Variants in LRBA observed in about 807,000 individuals in gnomAD.
The protein encoded by LRBA is lipopolysaccharide-responsive and beige-like anchor protein.
A neutral mutation model predicts 330.0 loss-of-function variants in LRBA; 176 were observed. The observed-to-expected ratio is 0.53, with a 90% CI of 0.47 to 0.60. The LOEUF (loss-of-function observed/expected upper bound fraction) is 0.60. Among genes scored for constraint, LRBA ranks in the 20% least tolerant of loss-of-function variants. LRBA has a pLI of 0.00. For missense variants in LRBA, 3,259 were observed against 3,444.8 expected (o/e 0.95, Z 1.35); for synonymous variants, 1,230 against 1,193.0 (o/e 1.03, Z -0.64).
intron 47 of LRBA, among the ~76,000 whole-genome samples, chr4:150,360,675 C>T (rs1738561954): frequency 6.6e-6 from 1 of 152,158 alleles, no homozygotes; most frequent in South Asian, 2.1e-4. Flanking sequence ...TTACAAAGTA[C>T]GAAGTAACTG....
chr4:150,419,011 G>A (rs146926668), intron 46 of LRBA, among the ~76,000 whole-genome samples: 1 of 152,200 alleles, frequency 6.6e-6, no homozygotes, highest in East Asian at 1.9e-4. Context: ...AAGAGGTTAG[G>A]CAGGAACCCA....
intron 2 of LRBA, among the ~76,000 whole-genome samples, chr4:150,967,849 G>A (rs1035334490): frequency 6.6e-6 from 1 of 152,056 alleles, no homozygotes; most frequent in Non-Finnish European, 1.5e-5. Context: ...AATAAATGTG[G>A]TATGTGTTCT....
intron 40 of LRBA, among the ~76,000 whole-genome samples, chr4:150,510,707 T>C (rs767738677): frequency 1.3e-5 from 2 of 152,216 alleles, no homozygotes; most frequent in Non-Finnish European, 2.9e-5. Flanking sequence ...TCACTGCTTC[T>C]ATTGTTGCCA....
intron 2 of LRBA, among the ~76,000 whole-genome samples, chr4:150,976,175 G>GAAAAAAAAAAAAAAAAAAAAAA (rs56914557): frequency 2.3e-5 from 2 of 88,734 alleles, no homozygotes; most frequent in African/African-American, 4.0e-5. Context: ...ACTCCGTCTT[G>GAAAAAAAAAAAAAAAAAAAAAA]AAAAAAAAAA....
intron 49 of LRBA, among the ~76,000 whole-genome samples, chr4:150,323,025 G>GT (rs373782725): frequency 7.0e-6 from 1 of 142,544 alleles, no homozygotes; most frequent in South Asian, 2.2e-4. Context: ...GTGTGTGTGT[G>GT]GGGATGCATT....
chr4:150,860,877 A>C (rs1464268929), intron 22 of LRBA, among the ~76,000 whole-genome samples: 1 of 152,174 alleles, frequency 6.6e-6, no homozygotes, highest in Non-Finnish European at 1.5e-5. Flanking sequence ...TTAATCATGA[A>C]GATATGTTCT....
chr4:150,663,383 A>C (rs779420504), intron 37 of LRBA, among the ~76,000 whole-genome samples: 5 of 152,154 alleles, frequency 3.3e-5, no homozygotes, highest in Admixed American at 2.6e-4. Flanking sequence ...TTGATGACAG[A>C]AGGTGCACAA....
chr4:150,681,421 C>T (rs1005485036), intron 37 of LRBA, among the ~76,000 whole-genome samples: 2 of 152,170 alleles, frequency 1.3e-5, no homozygotes, highest in Middle Eastern at 3.2e-3. Context: ...TTAAGATCCA[C>T]ACTTCACATT....
intron 42 of LRBA, among the ~76,000 whole-genome samples, chr4:150,474,909 G>A (rs1278861551): frequency 6.6e-6 from 1 of 152,126 alleles, no homozygotes; most frequent in African/African-American, 2.4e-5. Context: ...TAAGTATGAT[G>A]TACGTATTGG....
intron 37 of LRBA, among the ~76,000 whole-genome samples, chr4:150,634,635 T>C (rs1289727133): frequency 6.6e-6 from 1 of 152,232 alleles, no homozygotes; most frequent in East Asian, 1.9e-4. Flanking sequence ...CCTGTTCATA[T>C]ATTTCTTCTT....
chr4:150,497,309 C>A (rs966627815), intron 40 of LRBA, among the ~76,000 whole-genome samples: 1 of 152,080 alleles, frequency 6.6e-6, no homozygotes, highest in African/African-American at 2.4e-5. Flanking sequence ...TTTTAAAATT[C>A]AAGGATATAT....
chr4:150,488,905 A>G (rs1758221981), intron 41 of LRBA, among the ~76,000 whole-genome samples: 1 of 142,384 alleles, frequency 7.0e-6, no homozygotes, highest in Admixed American at 7.5e-5. Context: ...ACACATAAGA[A>G]TATATACACA....
At chr4:150,428,847 T>A (rs1749987798) in intron 46 of LRBA, among the ~76,000 whole-genome samples, 2 of 152,274 alleles carry the variant, frequency 1.3e-5, no homozygotes, top group African/African-American at 4.8e-5. Context: ...ACCCGAAACA[T>A]AAGACCAATT....
At chr4:150,523,191 T>C (rs183368732) in intron 40 of LRBA, among the ~76,000 whole-genome samples, 20 of 152,328 alleles carry the variant, frequency 1.3e-4, no homozygotes, top group Non-Finnish European at 1.2e-4. Flanking sequence ...GCATGTGAGG[T>C]TGACATGTAT....
chr4:150,554,967 C>A (rs1439712209), intron 40 of LRBA, among the ~76,000 whole-genome samples: 1 of 151,940 alleles, frequency 6.6e-6, no homozygotes, highest in Non-Finnish European at 1.5e-5. Flanking sequence ...CCTAGAGATA[C>A]AGAAATCAAC....
chr4:150,798,188 TGAGG>T, intron 33 of LRBA, 46 bp from the exon 34 acceptor site: 4 of 1,227,588 alleles, frequency 3.3e-6, no homozygotes, highest in South Asian at 1.2e-5. Context: ...AGAAAACAAA[TGAGG>T]ATTTGTTACA....
intron 40 of LRBA, among the ~76,000 whole-genome samples, chr4:150,553,782 G>T (rs1259288700): frequency 6.6e-6 from 1 of 152,164 alleles, no homozygotes; most frequent in African/African-American, 2.4e-5. Context: ...GAGTTTGTTT[G>T]GGAATGACAA....
rs139319403 is a variant in LRBA, at chr4:150,679,154, T to A, written c.5921+4397A>T. 2.9e-3 allele frequency among the ~76,000 whole-genome samples: 440 copies of A among 152,328 alleles called. 9 individuals carry two copies. The highest frequency in any genetic ancestry group is 0.018 in the East Asian group (91 of 5,184). Reference sequence around the variant, plus strand: ...TTTTCAAAACAATCTTTCCTTAGGCTTAAAAGGAGAACCTGATTTAAAATC... The same window carrying A: ...TTTTCAAAACAATCTTTCCTTAGGCATAAAAGGAGAACCTGATTTAAAATC... On this transcript the variant is annotated intron_variant, in intron 37 of 56. Coordinates refer to ENST00000651943, the MANE Select transcript of LRBA (RefSeq NM_001364905.1).
chr4:150,842,559 A>G (rs916493880), intron 28 of LRBA, among the ~76,000 whole-genome samples: 1 of 152,244 alleles, frequency 6.6e-6, no homozygotes, highest in Non-Finnish European at 1.5e-5. Flanking sequence ...GAAAACAGCA[A>G]CATTTGGTCC....
Sources: allele counts gnomAD v4.1 joint callset (sites outside exome capture counted in the v4.1 genomes callset), GRCh38; gene constraint gnomAD v4.1.1; transcripts MANE v1.5; gene names NCBI Gene and HGNC (gene_info 2026-07-23, HGNC 2026-07-21).